VGLL3: variants seen among roughly 807,000 people sequenced by gnomAD.
The protein encoded by VGLL3 is vestigial like family member 3.
Under a neutral mutation model 29.2 loss-of-function variants are expected in VGLL3, and 18 were observed. That is an observed-to-expected ratio of 0.62 (90% CI 0.43 to 0.91). The LOEUF is 0.91. Ranked by LOEUF, VGLL3 falls within the 40% of genes least tolerant of loss-of-function variation. The probability of loss-of-function intolerance (pLI) is 0.00; values close to 1 mark genes in which losing one functional copy is unlikely to be tolerated. For synonymous variants in VGLL3, 180 were observed against 151.8 expected (o/e 1.19, Z -1.36); for missense variants, 440 against 413.2 (o/e 1.06, Z -0.56).
intron 3 of VGLL3, among the ~76,000 whole-genome samples, chr3:86,953,203 T>A (rs1575860963): frequency 6.6e-6 from 1 of 152,178 alleles, no homozygotes; most frequent in South Asian, 2.1e-4. Context: ...AAAGCCTACA[T>A]AATATCACCT....
intron 1 of VGLL3, among the ~76,000 whole-genome samples, chr3:86,988,640 CAAAAAAAAAAAAAAAAAAAA>C (rs869098443): frequency 3.3e-3 from 46 of 13,744 alleles, no homozygotes; most frequent in African/African-American, 4.9e-3. Context: ...TTTACTTGAC[CAAAAAAAAAAAAAAAAAAAA>C]AAAAAAAAAA....
At chr3:86,952,536 T>C (rs996126425) in intron 3 of VGLL3, among the ~76,000 whole-genome samples, 2 of 152,072 alleles carry the variant, frequency 1.3e-5, no homozygotes, top group African/African-American at 4.8e-5. Context: ...AATAGGAACA[T>C]AAAGCCTGAA....
chr3:86,940,296 C>T lies in VGLL3; in HGVS notation c.*6728G>A, dbSNP rs936964208. 6.6e-6 allele frequency: 1 copy of T among 152,424 alleles called. No homozygotes were observed. Among genetic ancestry groups the T allele is most frequent in the Non-Finnish European group, 1.5e-5 (1 of 67,992 alleles). The allele number at this position is 152,424 out of a possible 1,614,324, so 9.4% of individuals were successfully genotyped here. On this transcript the variant is annotated 3_prime_UTR_variant, in exon 4 of 4. Coordinates refer to ENST00000398399, the MANE Select transcript of VGLL3 (RefSeq NM_016206.4). ...TTTTCATACTACTTATGGCAGAGTC[C>T]CTGTCAACAAATGTAAAAACAATAA...
chr3:86,971,066 G>T (rs757161071), intron 2 of VGLL3, among the ~76,000 whole-genome samples: 30 of 152,292 alleles, frequency 2.0e-4, no homozygotes, highest in African/African-American at 7.2e-4. Flanking sequence ...CCACATAAAA[G>T]AACCTTGCTA....
chr3:86,986,517 G>A (rs550272745), intron 1 of VGLL3, among the ~76,000 whole-genome samples: 105 of 152,278 alleles, frequency 6.9e-4, no homozygotes, highest in African/African-American at 2.5e-3. Flanking sequence ...CTACAGTGAA[G>A]TTAATTTGTG....
chr3:86,978,597 C>G lies in VGLL3; in HGVS notation c.332G>C (p.Gly111Ala). The change falls in exon 2 of 4, where the codon GGC becomes GCC. Residue 111 changes from glycine (G) to alanine (A), a missense_variant. Physicochemically the swap from Gly to Ala is moderately conservative, Grantham distance 60. Coordinates refer to ENST00000398399, the MANE Select transcript of VGLL3 (RefSeq NM_016206.4). The stretch of plus-strand genomic sequence containing the variant: ...TTCTGGATGGAGGGTGATGGCTTGG[C>G]CCAAAGCTCTTGAGAAGTGTTCATC... ...VVDEHFSRAL[G>A]QAITLHPESA... 1.2e-6 allele frequency: 2 copies of G among 1,614,128 alleles called. No individual in the cohort carries two copies. The highest frequency in any genetic ancestry group is 1.7e-6 in the Non-Finnish European group (2 of 1,180,030).
intron 3 of VGLL3, among the ~76,000 whole-genome samples, chr3:86,964,818 TA>T: frequency 6.6e-6 from 1 of 152,300 alleles, no homozygotes; most frequent in East Asian, 1.9e-4. Flanking sequence ...GGTATTTTAT[TA>T]TAACAGCTTG....
chr3:86,947,416 A>G (rs1490639561), intron 3 of VGLL3, among the ~76,000 whole-genome samples: 2 of 152,346 alleles, frequency 1.3e-5, no homozygotes, highest in South Asian at 2.1e-4. Context: ...GAGAAAAAAG[A>G]CATAAATAAT....
chr3:86,962,417 G>A, intron 3 of VGLL3: 1 of 985,284 alleles, frequency 1.0e-6, no homozygotes, highest in African/African-American at 1.7e-5. Context: ...GCACCTCACT[G>A]TCCTCACCAC....
At chr3:86,969,242 C>T (rs1201191604) in intron 2 of VGLL3, 119 bp from the exon 3 acceptor site, 3 of 1,224,328 alleles carry the variant, frequency 2.5e-6, no homozygotes, top group East Asian at 5.0e-5. Flanking sequence ...AATTAGCATG[C>T]ACTCTTATTC....
chr3:86,967,586 A>G (rs1704991179), intron 3 of VGLL3, among the ~76,000 whole-genome samples: 2 of 152,206 alleles, frequency 1.3e-5, no homozygotes, highest in African/African-American at 2.4e-5. Context: ...GTGAACCAGC[A>G]CATGATTAAG....
At position 86,940,228 on chromosome 3, in the gene VGLL3, C is replaced by A. The variant is rs913175505; in HGVS notation, c.*6796G>T. 13 of 152,200 alleles carry A rather than the reference C, an allele frequency of 8.5e-5. No homozygotes were observed. The highest frequency in any genetic ancestry group is 1.9e-4 in the Non-Finnish European group (13 of 68,008). 9.4% of individuals were successfully genotyped at this position (152,200 alleles called of 1,614,324 possible). A position where few individuals can be genotyped will look rare whatever the true frequency, so the allele number is the denominator to read the frequency against. On this transcript the variant is annotated 3_prime_UTR_variant, in exon 4 of 4. Coordinates refer to ENST00000398399, the MANE Select transcript of VGLL3 (RefSeq NM_016206.4). ...CTTCAGAATACAAGGTCTTGGAATT[C>A]TCTTTTCAATGTTAATGAATCGTAG...
chr3:86,949,568 T>C (rs1006722748), intron 3 of VGLL3, among the ~76,000 whole-genome samples: 2 of 151,890 alleles, frequency 1.3e-5, no homozygotes, highest in Non-Finnish European at 2.9e-5. Flanking sequence ...GGCTCATGTC[T>C]GTAATCTCAG....
chr3:86,965,436 T>A (rs1704938079), intron 3 of VGLL3, among the ~76,000 whole-genome samples: 2 of 152,102 alleles, frequency 1.3e-5, no homozygotes, highest in South Asian at 4.1e-4. Context: ...GGACCCAACT[T>A]TCACTGTTCT....
rs933532826 is a variant in VGLL3 at position 86,984,736 on chromosome 3, A to T, written c.126+5882T>A. On this transcript the variant is annotated intron_variant, in intron 1 of 3. Transcript: ENST00000398399. ...ACCTTGTGTCAGAAATTATGCAAAG[A>T]CTTGGAGTCACAAAGATGAAAGTCA... Among the ~76,000 whole-genome samples the T allele has an allele frequency of 3.3e-5, 5 of 152,290 alleles. No individual in the cohort carries two copies. The South Asian group carries it at 8.3e-4, about 25-fold the overall frequency.
intron 1 of VGLL3, 93 bp from the exon 2 acceptor site, chr3:86,978,895 A>G: frequency 7.4e-7 from 1 of 1,350,388 alleles, no homozygotes; most frequent in Non-Finnish European, 9.9e-7. Flanking sequence ...AAGAATCTAA[A>G]TATTAACATA....
intron 2 of VGLL3, among the ~76,000 whole-genome samples, chr3:86,975,650 T>C (rs1053496532): frequency 2.0e-5 from 3 of 152,190 alleles, no homozygotes; most frequent in Admixed American, 1.3e-4. Context: ...TCAATGCATA[T>C]CTATTTCAGA....
At chr3:86,981,277 G>C (rs1046791455) in intron 1 of VGLL3, among the ~76,000 whole-genome samples, 2 of 151,890 alleles carry the variant, frequency 1.3e-5, no homozygotes, top group East Asian at 3.9e-4. Context: ...ATTGATTTAA[G>C]ATTTCACAGT....
chr3:86,985,431 G>C (rs1208024568), intron 1 of VGLL3, among the ~76,000 whole-genome samples: 1 of 152,194 alleles, frequency 6.6e-6, no homozygotes, highest in Non-Finnish European at 1.5e-5. Context: ...GACACCTGTT[G>C]AATTTAAGTC....
Sources: allele counts gnomAD v4.1 joint callset (sites outside exome capture counted in the v4.1 genomes callset), GRCh38; gene constraint gnomAD v4.1.1; transcripts MANE v1.5; gene names NCBI Gene and HGNC (gene_info 2026-07-23, HGNC 2026-07-21).